UGT2A2: variants seen among roughly 807,000 people sequenced by gnomAD.
UGT2A2 encodes UDP glucuronosyltransferase family 2 member A2.
UGT2A2 carries 60 observed loss-of-function variants against 50.7 expected under a neutral mutation model. The ratio of observed to expected loss-of-function variants is 1.18; its 90% CI spans 0.96 to 1.47. The LOEUF (loss-of-function observed/expected upper bound fraction) is 1.47. UGT2A2 is among the 40% of genes most tolerant of loss of function. The pLI is 0.00. For missense variants in UGT2A2, 762 were observed against 634.0 expected, an observed-to-expected ratio of 1.20 and a Z score of -2.17; for synonymous variants, 242 against 214.6, an observed-to-expected ratio of 1.13 and a Z score of -1.11.
At chr4:69,591,681 T>C (rs1718605463) in intron 5 of UGT2A2, among the ~76,000 whole-genome samples, 1 of 152,128 alleles carries the variant, frequency 6.6e-6, no homozygotes, top group Non-Finnish European at 1.5e-5. Flanking sequence ...GGAAGTCCAT[T>C]TGGATGGTTG....
intron 1 of UGT2A2, among the ~76,000 whole-genome samples, chr4:69,636,949 C>G (rs556608571): frequency 4.6e-5 from 7 of 152,172 alleles, no homozygotes; most frequent in East Asian, 3.9e-4. Flanking sequence ...TTTTCAGGAC[C>G]CTTCACCTTG....
chr4:69,596,251 T>A lies in UGT2A2; in HGVS notation c.1022A>T (p.Lys341Met). The change falls in exon 3 of 6, where the codon AAG (lysine) becomes ATG (methionine). Residue 341 changes from lysine to methionine, a missense_variant and splice_region_variant. By Grantham distance (95) the Lys-to-Met change is moderately conservative (BLOSUM62 -1). Coordinates refer to ENST00000604629, the MANE Select transcript of UGT2A2 (RefSeq NM_001105677.2). ...IASALAQIPQ[K>M]VLWRYKGKKP... ...ACCAGGATTCCAGGCTGTACTGACC[T>A]TCTGTGGAATCTGGGCAAGGGCTGA... 6.3e-7 allele frequency: 1 copy of A among 1,575,700 alleles called. No individual in the cohort carries two copies. Among genetic ancestry groups the A allele is most frequent in the Non-Finnish European group, 8.6e-7 (1 of 1,161,048 alleles).
intron 1 of UGT2A2, chr4:69,635,611 C>T (rs1461882107): frequency 5.5e-6 from 1 of 180,604 alleles, no homozygotes; most frequent in Non-Finnish European, 1.2e-5. Context: ...GGGTGGATAA[C>T]TTGAGGTCAG....
At position 69,593,700 on chromosome 4, in the gene UGT2A2, T is replaced by G. The variant is rs1718717367; in HGVS notation, c.1331+777A>C. 3.3e-5 allele frequency among the ~76,000 whole-genome samples: 5 copies of G among 151,712 alleles called. No individual in the cohort carries two copies. In the South Asian group the frequency reaches 1.0e-3, roughly 32 times the overall value. Reference sequence around the variant, plus strand: ...ATAGTACAAATCAATATTTAAAAAATTATCCACTACCCTATATCTTTTCTC... The same window carrying G: ...ATAGTACAAATCAATATTTAAAAAAGTATCCACTACCCTATATCTTTTCTC... On this transcript the variant is annotated intron_variant, in intron 5 of 5. Transcript: ENST00000604629.
chr4:69,595,525 C>T (rs1191325223), intron 3 of UGT2A2, among the ~76,000 whole-genome samples: 1 of 152,086 alleles, frequency 6.6e-6, no homozygotes, highest in Non-Finnish European at 1.5e-5. Context: ...AGAACGTAAA[C>T]AGTACCAGTT....
chr4:69,591,472 G>T (rs148928033), intron 5 of UGT2A2, among the ~76,000 whole-genome samples: 41 of 152,240 alleles, frequency 2.7e-4, no homozygotes, highest in South Asian at 2.1e-4. Flanking sequence ...GGATTGTGGA[G>T]ATCCAAGTCC....
intron 1 of UGT2A2, among the ~76,000 whole-genome samples, chr4:69,622,523 G>A (rs948583420): frequency 1.3e-5 from 2 of 151,716 alleles, no homozygotes; most frequent in African/African-American, 4.8e-5. Context: ...TTGTTTTTAT[G>A]TGTTATCTAT....
chr4:69,630,925 G>A (rs1259584933), intron 1 of UGT2A2, among the ~76,000 whole-genome samples: 3 of 143,434 alleles, frequency 2.1e-5, no homozygotes, highest in Admixed American at 6.7e-5. Context: ...GTGTGCTAAA[G>A]AATACACGAC....
At chr4:69,590,377 A>G (rs13149874) in intron 5 of UGT2A2, among the ~76,000 whole-genome samples, 1 of 152,212 alleles carries the variant, frequency 6.6e-6, no homozygotes, top group Non-Finnish European at 1.5e-5. Context: ...GTGGATATCT[A>G]CATATTTAAA....
At chr4:69,633,590 A>C (rs1268430069) in intron 1 of UGT2A2, among the ~76,000 whole-genome samples, 1 of 152,214 alleles carries the variant, frequency 6.6e-6, no homozygotes, top group African/African-American at 2.4e-5. Context: ...TGATACATTA[A>C]TTCAATAGAC....
chr4:69,597,694 C>T (rs905299279), intron 2 of UGT2A2, among the ~76,000 whole-genome samples: 2 of 151,322 alleles, frequency 1.3e-5, no homozygotes, highest in Non-Finnish European at 2.9e-5. Flanking sequence ...ATTTTCCAAA[C>T]AGATATTAAT....
chr4:69,602,509 G>A (rs1211657548), intron 1 of UGT2A2, among the ~76,000 whole-genome samples: 1 of 133,892 alleles, frequency 7.5e-6, no homozygotes, highest in Non-Finnish European at 1.6e-5. Context: ...CTATCTATCT[G>A]ATATCATGTT....
chr4:69,625,083 A>G (rs1720966378), intron 1 of UGT2A2, among the ~76,000 whole-genome samples: 3 of 151,292 alleles, frequency 2.0e-5, no homozygotes, highest in Middle Eastern at 6.8e-3. Flanking sequence ...AATTATGATA[A>G]TTTTAATTTA....
At position 69,594,531 on chromosome 4, in the gene UGT2A2, G is replaced by T. The variant is rs755908340; in HGVS notation, c.1277C>A (p.Thr426Lys). The change falls in exon 5 of 6, where the codon ACA (threonine) becomes AAA (lysine). Residue 426 changes from threonine (T) to lysine (K), a missense_variant. Transcript: ENST00000604629. The stretch of plus-strand genomic sequence containing the variant: ...GCTAAGCAAATCCACACTTGTCATT[G>T]TGTTTAGGTTCACTTCCACAGCTGC... ...KGAAVEVNLN[T>K]MTSVDLLSAL... 2 of 1,614,172 alleles carry T rather than the reference G, an allele frequency of 1.2e-6. No individual in the cohort carries two copies. The highest frequency in any genetic ancestry group is 3.3e-5 in the Admixed American group (2 of 60,014).
chr4:69,597,654 C>T (rs1719010953), intron 2 of UGT2A2, among the ~76,000 whole-genome samples: 1 of 151,856 alleles, frequency 6.6e-6, no homozygotes, highest in Non-Finnish European at 1.5e-5. Flanking sequence ...TTCTGAAGTC[C>T]CAGGAATTGG....
At position 69,588,441 on chromosome 4, in the gene UGT2A2, A is replaced by AT. The variant is rs1718377664; in HGVS notation, c.*930dup. The AT allele has an allele frequency of 6.6e-6, 1 of 152,050 alleles. No homozygotes were observed. Among genetic ancestry groups the AT allele is most frequent in the Admixed American group, 6.6e-5 (1 of 15,262 alleles). The allele number at this position is 152,050 out of a possible 1,614,324, so 9.4% of individuals were successfully genotyped here. Reference sequence around the variant, plus strand: ...ATCAAATTCCAAGTAAGCATTTTTTATTTTTTGGCATAAAATTAAACTTTT... The same window carrying AT: ...ATCAAATTCCAAGTAAGCATTTTTTATTTTTTTGGCATAAAATTAAACTTTT... On this transcript the variant is annotated 3_prime_UTR_variant, in exon 6 of 6. Transcript: ENST00000604629.
intron 1 of UGT2A2, among the ~76,000 whole-genome samples, chr4:69,614,730 T>A (rs1036420025): frequency 6.6e-6 from 1 of 152,064 alleles, no homozygotes; most frequent in African/African-American, 2.4e-5. Flanking sequence ...AGGAATGGAC[T>A]CTTAATGGTG....
intron 5 of UGT2A2, among the ~76,000 whole-genome samples, chr4:69,590,490 T>C (rs1718525550): frequency 6.6e-6 from 1 of 152,130 alleles, no homozygotes. Flanking sequence ...CCTGGATTCA[T>C]GAAGATGAGC....
chr4:69,591,091 C>G (rs1363006779), intron 5 of UGT2A2, among the ~76,000 whole-genome samples: 3 of 151,954 alleles, frequency 2.0e-5, no homozygotes, highest in South Asian at 4.2e-4. Context: ...AAATTTCTAA[C>G]AGTATTTATA....
Sources: allele counts gnomAD v4.1 joint callset (sites outside exome capture counted in the v4.1 genomes callset), GRCh38; gene constraint gnomAD v4.1.1; transcripts MANE v1.5; gene names NCBI Gene and HGNC (gene_info 2026-07-23, HGNC 2026-07-21).